CEP63: variants seen among roughly 807,000 people sequenced by gnomAD.
The protein encoded by CEP63 is centrosomal protein 63, also known as centrosomal protein of 63 kDa.
In CEP63, 84 loss-of-function variants were observed where a neutral mutation model predicts 89.1. That is an observed-to-expected ratio of 0.94 (90% CI 0.79 to 1.13). CEP63 has a LOEUF of 1.13. Ranked by LOEUF, CEP63 falls within the 50% of genes most tolerant of loss-of-function variation. The probability of loss-of-function intolerance (pLI) is 0.00; values close to 1 mark genes in which losing one functional copy is unlikely to be tolerated. For missense variants in CEP63, 838 were observed against 813.3 expected (o/e 1.03, Z -0.37); for synonymous variants, 267 against 272.5 (o/e 0.98, Z 0.20).
the CEP63 span, among the ~76,000 whole-genome samples, chr3:134,744,807 C>A: frequency 2.0e-5 from 3 of 152,152 alleles, no homozygotes; most frequent in Admixed American, 6.5e-5. Context: ...TGTGAGCCAC[C>A]TTGCCTGGCC....
Position 134,537,149 on chromosome 3 carries a change from C to T in CEP63, c.442-6C>T. On this transcript the variant is annotated splice_polypyrimidine_tract_variant and splice_region_variant and intron_variant, in intron 5 of 14. Coordinates refer to ENST00000675561, the MANE Select transcript of CEP63 (RefSeq NM_001353108.3). ...CAGAAATTAAGTACTCTAATTGCCT[C>T]CTCAGGAATTCCGTCAGAAATCGCT... The T allele has an allele frequency of 6.3e-7, 1 of 1,591,194 alleles. No individual in the cohort carries two copies. Among genetic ancestry groups the T allele is most frequent in the South Asian group, 1.1e-5 (1 of 90,650 alleles).
chr3:134,527,690 C>T (rs1948948254), intron 3 of CEP63, among the ~76,000 whole-genome samples: 2 of 152,164 alleles, frequency 1.3e-5, no homozygotes, highest in African/African-American at 2.4e-5. Context: ...GGCCACTCTG[C>T]TGGAGCTCTC....
At chr3:134,701,477 C>CAT in the CEP63 span, among the ~76,000 whole-genome samples, 11 of 138,996 alleles carry the variant, frequency 7.9e-5, no homozygotes, top group East Asian at 4.2e-4. Context: ...CACACACACA[C>CAT]ATATATATAT....
downstream of CEP63, among the ~76,000 whole-genome samples, chr3:134,576,248 T>G (rs536338813): frequency 5.7e-4 from 87 of 152,356 alleles, 1 homozygote; most frequent in Admixed American, 1.0e-3. Flanking sequence ...CAGTTAAAAT[T>G]TATTTTGATT....
chr3:134,696,680 A>G, the CEP63 span, among the ~76,000 whole-genome samples: 1 of 152,124 alleles, frequency 6.6e-6, no homozygotes, highest in African/African-American at 2.4e-5. Flanking sequence ...TTCCATGCCC[A>G]CGTGTGTGTG....
At chr3:134,725,687 A>G in the CEP63 span, among the ~76,000 whole-genome samples, 1 of 152,268 alleles carries the variant, frequency 6.6e-6, no homozygotes, top group Non-Finnish European at 1.5e-5. Flanking sequence ...TGTAAGCACC[A>G]GAACTTTATT....
chr3:134,513,412 T>C (rs74482203), intron 3 of CEP63, among the ~76,000 whole-genome samples: 3,424 of 152,290 alleles, frequency 0.022, 51 homozygotes, highest in Middle Eastern at 0.088. Context: ...ACTTTAATAT[T>C]TGATAATGGC....
At chr3:134,542,911 T>C (rs1396194824) in intron 6 of CEP63, among the ~76,000 whole-genome samples, 2 of 150,408 alleles carry the variant, frequency 1.3e-5, no homozygotes, top group African/African-American at 2.5e-5. Flanking sequence ...GGAATGCCTG[T>C]TTCTGGCTCA....
chr3:134,721,700 A>G, the CEP63 span, among the ~76,000 whole-genome samples: 1 of 152,072 alleles, frequency 6.6e-6, no homozygotes, highest in African/African-American at 2.4e-5. Context: ...ATTTTTGTCA[A>G]ATGCCTTTTA....
At chr3:134,608,080 C>G in the CEP63 span, 1 of 1,107,574 alleles carries the variant, frequency 9.0e-7, no homozygotes, top group Non-Finnish European at 1.1e-6. Flanking sequence ...GGGACTGCCC[C>G]CACCTGTCCT....
chr3:134,614,471 A>T, the CEP63 span, among the ~76,000 whole-genome samples: 1 of 151,652 alleles, frequency 6.6e-6, no homozygotes, highest in African/African-American at 2.4e-5. Flanking sequence ...TGCAGCCCCC[A>T]CTCTCCAGCA....
intron 6 of CEP63, among the ~76,000 whole-genome samples, chr3:134,544,741 A>ATGTTCCT (rs1476019989): frequency 6.6e-6 from 1 of 152,058 alleles, no homozygotes; most frequent in African/African-American, 2.4e-5. Flanking sequence ...CCTATGTTTT[A>ATGTTCCT]AATAGGAAAT....
downstream of CEP63, among the ~76,000 whole-genome samples, chr3:134,592,492 G>GTGTGTGTA (rs1958618254): frequency 6.6e-6 from 1 of 150,828 alleles, no homozygotes; most frequent in Admixed American, 6.6e-5. Context: ...GTGTGTGTGT[G>GTGTGTGTA]TGTGTGTGTG....
chr3:134,562,126 A>T lies in CEP63; in HGVS notation c.*591A>T. On this transcript the variant is annotated 3_prime_UTR_variant, in exon 15 of 15. Coordinates refer to ENST00000675561, the MANE Select transcript of CEP63 (RefSeq NM_001353108.3). ...CTCTTGCTCAACACTCATGCAGAGG[A>T]GAGAGGCAGGGAGGGCAAGGGACTG... 1.0e-6 allele frequency: 1 copy of T among 988,806 alleles called. No homozygotes were observed. The highest frequency in any genetic ancestry group is 1.2e-6 in the Non-Finnish European group (1 of 832,114). The allele number at this position is 988,806 out of a possible 1,614,324, so 61.3% of individuals were successfully genotyped here.
chr3:134,775,201 C>A, the CEP63 span, among the ~76,000 whole-genome samples: 2 of 152,164 alleles, frequency 1.3e-5, no homozygotes, highest in African/African-American at 2.4e-5. Flanking sequence ...GAGCCTGAGA[C>A]AAGGGTCTCG....
chr3:134,731,303 G>T, the CEP63 span, among the ~76,000 whole-genome samples: 3 of 152,150 alleles, frequency 2.0e-5, no homozygotes, highest in African/African-American at 7.2e-5. Context: ...AGAAATTGGG[G>T]CATATACATT....
At chr3:134,634,056 A>G in the CEP63 span, among the ~76,000 whole-genome samples, 4 of 152,212 alleles carry the variant, frequency 2.6e-5, no homozygotes, top group Admixed American at 6.5e-5. Context: ...AAAATCCCAA[A>G]CATGTGCAAT....
chr3:134,774,185 G>A, the CEP63 span, among the ~76,000 whole-genome samples: 352 of 152,282 alleles, frequency 2.3e-3, 3 homozygotes, highest in Middle Eastern at 0.02. Flanking sequence ...CTATGTGGCT[G>A]ATGTGGCTCC....
the CEP63 span, among the ~76,000 whole-genome samples, chr3:134,694,070 G>T: frequency 6.6e-6 from 1 of 152,182 alleles, no homozygotes; most frequent in African/African-American, 2.4e-5. Flanking sequence ...CTGTCCTCTG[G>T]CCCCATTTCA....
Sources: gnomAD v4.1 joint callset for allele counts (sites outside exome capture counted in the v4.1 genomes callset) on GRCh38, gnomAD v4.1.1 for gene constraint, MANE v1.5 for transcripts, NCBI Gene and HGNC (gene_info 2026-07-23, HGNC 2026-07-21) for gene names.